Variants in WASHC4 observed in about 807,000 individuals in gnomAD.
The protein encoded by WASHC4 is WASH complex subunit 7.
A neutral mutation model predicts 166.6 loss-of-function variants in WASHC4; 86 were observed. That is an observed-to-expected ratio of 0.52 (90% confidence interval 0.43 to 0.62). WASHC4 has a LOEUF of 0.62. Among genes scored for constraint, WASHC4 ranks in the 20% least tolerant of loss-of-function variants. WASHC4 has a pLI of 0.00. For synonymous variants in WASHC4, 446 were observed against 451.6 expected (o/e 0.99, Z 0.16); for missense variants, 1,262 against 1,382.4 (o/e 0.91, Z 1.38).
chr12:105,128,251 C>T (rs138330559), intron 13 of WASHC4, among the ~76,000 whole-genome samples: 1 of 152,292 alleles, frequency 6.6e-6, no homozygotes, highest in East Asian at 1.9e-4. Context: ...GGCAGGTCTA[C>T]TCATTTCAGA....
In WASHC4 at chr12:105,162,786, A is replaced by T. The variant is rs1884579361; in HGVS notation, c.3098A>T (p.Glu1033Val). The T allele has an allele frequency of 6.2e-7, 1 of 1,604,152 alleles. No individual in the cohort carries two copies. The highest frequency in any genetic ancestry group is 8.5e-7 in the Non-Finnish European group (1 of 1,173,232). The change falls in exon 30 of 33, where the codon GAA becomes GTA. Residue 1033 changes from glutamate to valine, a missense_variant. Glu to Val is a moderately radical substitution (Grantham distance 121). Coordinates refer to ENST00000332180, the MANE Select transcript of WASHC4 (RefSeq NM_015275.3). ...GTAGAGCATTCCATTAGTTGCAAGG[A>T]AAAATTAAATAAAAAAAATAAAATT... ...NFVEHSISCK[E>V]KLNKKNKIGA... is the part of the protein sequence containing the mutation.
At chr12:105,108,175 G>T (rs913931575) in intron 1 of WASHC4, among the ~76,000 whole-genome samples, 3 of 152,182 alleles carry the variant, frequency 2.0e-5, no homozygotes, top group African/African-American at 7.2e-5. Flanking sequence ...GCGCCCGGGA[G>T]GCCCAGCGGC....
intron 4 of WASHC4, 149 bp from the exon 5 acceptor site, chr12:105,115,035 T>TG: frequency 1.8e-6 from 1 of 562,178 alleles, no homozygotes; most frequent in Non-Finnish European, 3.2e-6. Flanking sequence ...AAAGATGAAT[T>TG]GCTTTATAAA....
At position 105,121,163 on chromosome 12, in the gene WASHC4, TAATC is replaced by T. The variant is rs750168144; in HGVS notation, c.626_629del (p.Asn209IlefsTer4). 1 of 1,611,232 alleles carries T rather than the reference TAATC, an allele frequency of 6.2e-7. No homozygotes were observed. The highest frequency in any genetic ancestry group is 8.5e-7 in the Non-Finnish European group (1 of 1,177,786). On this transcript the variant is annotated frameshift_variant, in exon 9 of 33. Coordinates refer to ENST00000332180, the MANE Select transcript of WASHC4 (RefSeq NM_015275.3). LOFTEE classifies it high-confidence loss of function. The stretch of plus-strand genomic sequence containing the variant: ...TGCTCACCCTGGATGAAATTATTGA[TAATC>T]ATATCACACTGAAAGACCACTGGAC...
rs139723171 is a variant in WASHC4 at position 105,135,815 on chromosome 12, T to C, written c.1326+1919T>C. ...TTTATTTTCTTCAACACATTCAGCT[T>C]ATTTTGAAGCACATGTCTAATAATT... On this transcript the variant is annotated intron_variant, in intron 14 of 32. Coordinates refer to ENST00000332180, the MANE Select transcript of WASHC4 (RefSeq NM_015275.3). Among the ~76,000 whole-genome samples the C allele has an allele frequency of 6.2e-4, 95 of 152,292 alleles. 2 individuals are homozygous for C. The East Asian group carries it at 0.017, about 28-fold the overall frequency.
chr12:105,166,533 G>T (rs1239947001), intron 32 of WASHC4, among the ~76,000 whole-genome samples: 1 of 152,140 alleles, frequency 6.6e-6, no homozygotes, highest in African/African-American at 2.4e-5. Context: ...ACTGGCGTGA[G>T]GGGAGCGGGC....
chr12:105,168,759 TTTG>T lies in WASHC4; in HGVS notation c.*1829_*1831del. ...TCTGGATAAATTATAAGTTCATATA[TTTG>T]AAATAAGATCCTGGAAACGAATTTA... On this transcript the variant is annotated 3_prime_UTR_variant, in exon 33 of 33. Transcript: ENST00000332180. 6.6e-6 allele frequency: 1 copy of T among 152,092 alleles called. No homozygotes were observed. Among genetic ancestry groups the T allele is most frequent in the South Asian group, 2.1e-4 (1 of 4,830 alleles). 9.4% of individuals were successfully genotyped at this position (152,092 alleles called of 1,614,324 possible).
In WASHC4 at chr12:105,164,501, A is replaced by G. The variant is rs1276369200; in HGVS notation, c.3355-140A>G. Reference sequence around the variant, plus strand: ...CTCACATCTTAAAAATGGGCGGGTTACTTATTTCAGTTTCTGTATTTATGA... The same window carrying G: ...CTCACATCTTAAAAATGGGCGGGTTGCTTATTTCAGTTTCTGTATTTATGA... On this transcript the variant is annotated intron_variant, in intron 31 of 32. Transcript: ENST00000332180. 3.7e-6 allele frequency: 3 copies of G among 811,410 alleles called. No individual in the cohort carries two copies. In the East Asian group the frequency reaches 7.9e-5, roughly 21 times the overall value. 50.3% of individuals were successfully genotyped at this position (811,410 alleles called of 1,614,324 possible).
At chr12:105,162,968 T>A in intron 30 of WASHC4, 123 bp downstream of exon 30, 2 of 602,504 alleles carry the variant, frequency 3.3e-6, no homozygotes, top group South Asian at 1.8e-5. Flanking sequence ...TTTTCTTTTT[T>A]ATTTTTTTGA....
At position 105,160,026 on chromosome 12, in the gene WASHC4, C is replaced by T; in HGVS notation, c.2938C>T (p.His980Tyr). The change falls in exon 29 of 33, where the codon CAC (histidine) becomes TAC (tyrosine). Residue 980 changes from histidine (H) to tyrosine (Y), a missense_variant. Physicochemically the swap from His to Tyr is moderately conservative, Grantham distance 83. Coordinates refer to ENST00000332180, the MANE Select transcript of WASHC4 (RefSeq NM_015275.3). Reference sequence around the variant, plus strand: ...GCATTTGGATTCAGTCCTCAGTGATCACACACGAAATTCTGCCGAAGGCAC... The same window carrying T: ...GCATTTGGATTCAGTCCTCAGTGATTACACACGAAATTCTGCCGAAGGCAC... Reference protein sequence around the residue: ...ARHLDSVLSDHTRNSAEGTEY... With the variant: ...ARHLDSVLSDYTRNSAEGTEY... 6.2e-7 allele frequency: 1 copy of T among 1,614,008 alleles called. No individual in the cohort carries two copies. Among genetic ancestry groups the T allele is most frequent in the Admixed American group, 1.7e-5 (1 of 60,024 alleles).
chr12:105,158,890 G>T lies in WASHC4; in HGVS notation c.2913-1111G>T, dbSNP rs113384522. The stretch of plus-strand genomic sequence containing the variant: ...AACAAGTGGTGAATCTAGTTGAAGG[G>T]TATACGGGTGTTCATTATACTATAT... On this transcript the variant is annotated intron_variant, in intron 28 of 32. Coordinates refer to ENST00000332180, the MANE Select transcript of WASHC4 (RefSeq NM_015275.3). Among the ~76,000 whole-genome samples the T allele has an allele frequency of 7.8e-3, 1,193 of 152,256 alleles. 10 individuals are homozygous for T. The highest frequency in any genetic ancestry group is 0.013 in the Non-Finnish European group (897 of 67,998).
At position 105,166,881 on chromosome 12, in the gene WASHC4, A is replaced by G. The variant is rs756351634; in HGVS notation, c.3472A>G (p.Asn1158Asp). 3 of 1,605,208 alleles carry G rather than the reference A, an allele frequency of 1.9e-6. No homozygotes were observed. Among genetic ancestry groups the G allele is most frequent in the Non-Finnish European group, 2.6e-6 (3 of 1,175,398 alleles). The change falls in exon 33 of 33, where the codon AAT (asparagine) becomes GAT (aspartate). Residue 1158 changes from asparagine to aspartate, a missense_variant. Coordinates refer to ENST00000332180, the MANE Select transcript of WASHC4 (RefSeq NM_015275.3). ...KEKEEETKTSNGDLSDSTVSA... is the reference protein window; with the variant it reads ...KEKEEETKTSDGDLSDSTVSA... ...GCTTTCAGAAGAAACTAAAACAAGC[A>G]ATGGAGACCTGTCTGACAGCACTGT...
chr12:105,145,809 A>C (rs1489670381), intron 22 of WASHC4, among the ~76,000 whole-genome samples: 5 of 152,142 alleles, frequency 3.3e-5, no homozygotes, highest in Admixed American at 1.3e-4. Flanking sequence ...TGGGTGTTAG[A>C]GTAATATCTA....
In WASHC4 at chr12:105,147,077, G is replaced by T; in HGVS notation, c.2445G>T (p.Leu815Phe). 6.2e-7 allele frequency: 1 copy of T among 1,610,834 alleles called. No individual in the cohort carries two copies. Among genetic ancestry groups the T allele is most frequent in the South Asian group, 1.1e-5 (1 of 91,022 alleles). The change falls in exon 24 of 33, where the codon TTG becomes TTT. Residue 815 changes from leucine to phenylalanine, a missense_variant. Physicochemically the swap from Leu to Phe is conservative, Grantham distance 22 (BLOSUM62 0). Transcript: ENST00000332180. ...AACGAACAAGCAATAACAAGCATTT[G>T]AATACTATTAATATTCGGCATATTG... Reference protein sequence around the residue: ...FIERTSNNKHLNTINIRHIAN... With the variant: ...FIERTSNNKHFNTINIRHIAN...
chr12:105,166,755 T>A, intron 32 of WASHC4, 109 bp from the exon 33 acceptor site: 1 of 757,264 alleles, frequency 1.3e-6, no homozygotes, highest in Non-Finnish European at 2.3e-6. Context: ...TGGATGCAAC[T>A]GTAATTTGAA....
At chr12:105,137,423 C>T (rs1365139751) in intron 14 of WASHC4, among the ~76,000 whole-genome samples, 5 of 152,250 alleles carry the variant, frequency 3.3e-5, no homozygotes, top group Non-Finnish European at 7.4e-5. Flanking sequence ...CTTTGCCTAT[C>T]TGTATTGACT....
chr12:105,128,417 T>G (rs1357313606), intron 13 of WASHC4, among the ~76,000 whole-genome samples: 2 of 152,224 alleles, frequency 1.3e-5, no homozygotes, highest in Non-Finnish European at 2.9e-5. Context: ...GTATTTTAGT[T>G]CTTAGAATGT....
At chr12:105,162,348 G>A (rs1884547926) in intron 29 of WASHC4, among the ~76,000 whole-genome samples, 1 of 152,184 alleles carries the variant, frequency 6.6e-6, no homozygotes, top group Admixed American at 6.6e-5. Context: ...CTTGTGCTTT[G>A]AAATAAAGCA....
rs537089931 is a variant in WASHC4, at chr12:105,164,229, T to A, written c.3276T>A (p.Asn1092Lys). Residue 1092 changes from asparagine to lysine, a missense_variant, in exon 31 of 33, where the codon AAT (asparagine) becomes AAA (lysine). Physicochemically the swap from Asn to Lys is moderately conservative, Grantham distance 94 (BLOSUM62 0). Transcript: ENST00000332180. ...KEIRAVAKQQNVQSASQDEKL... is the reference protein window; with the variant it reads ...KEIRAVAKQQKVQSASQDEKL... ...TAAGAGCAGTTGCTAAGCAACAGAA[T>A]GTACAGTCAGCCAGTCAAGATGAAA... 1 of 1,614,132 alleles carries A rather than the reference T, an allele frequency of 6.2e-7. No homozygotes were observed. The highest frequency in any genetic ancestry group is 8.5e-7 in the Non-Finnish European group (1 of 1,179,988).
Sources: gnomAD v4.1 joint callset for allele counts (sites outside exome capture counted in the v4.1 genomes callset) on GRCh38, gnomAD v4.1.1 for gene constraint, MANE v1.5 for transcripts, NCBI Gene and HGNC (gene_info 2026-07-23, HGNC 2026-07-21) for gene names.